WWOX: variants seen among roughly 807,000 people sequenced by gnomAD.
The protein encoded by WWOX is WW domain-containing oxidoreductase.
A neutral mutation model predicts 46.2 loss-of-function variants in WWOX; 69 were observed. The observed-to-expected ratio is 1.49, with a 90% CI of 1.23 to 1.82. The LOEUF is 1.82. Ranked by LOEUF, WWOX falls within the 40% of genes most tolerant of loss-of-function variation. WWOX has a pLI of 0.00. For synonymous variants in WWOX, 359 were observed against 202.6 expected, an observed-to-expected ratio of 1.77 and a Z score of -6.56; for missense variants, 919 against 542.6, an observed-to-expected ratio of 1.69 and a Z score of -6.89.
chr16:78,685,044 C>G (rs926927140), intron 8 of WWOX, among the ~76,000 whole-genome samples: 3 of 152,058 alleles, frequency 2.0e-5, no homozygotes, highest in Non-Finnish European at 4.4e-5. Context: ...ATTATTTTTT[C>G]TCTGTGCTGT....
At chr16:78,459,989 A>T (rs1215730760) in intron 8 of WWOX, among the ~76,000 whole-genome samples, 1 of 151,308 alleles carries the variant, frequency 6.6e-6, no homozygotes, top group South Asian at 2.1e-4. Context: ...TATTATTTAT[A>T]GAGTTGGGTT....
intron 5 of WWOX, among the ~76,000 whole-genome samples, chr16:78,312,997 G>C (rs764613245): frequency 2.0e-5 from 3 of 152,184 alleles, no homozygotes; most frequent in Non-Finnish European, 2.9e-5. Flanking sequence ...GAGTGATTGT[G>C]AATGTTTTCA....
chr16:78,280,440 G>A (rs1282572539), intron 5 of WWOX, among the ~76,000 whole-genome samples: 8 of 152,218 alleles, frequency 5.3e-5, no homozygotes, highest in African/African-American at 1.7e-4. Context: ...GACGTTACCT[G>A]TAGGATATGT....
chr16:79,178,378 G>A (rs900612299), intron 8 of WWOX, among the ~76,000 whole-genome samples: 1 of 152,070 alleles, frequency 6.6e-6, no homozygotes, highest in East Asian at 1.9e-4. Flanking sequence ...GTGCAGTGGT[G>A]CGGTCACAGC....
At chr16:78,611,127 CATTTA>C (rs2045891530) in intron 8 of WWOX, among the ~76,000 whole-genome samples, 1 of 152,118 alleles carries the variant, frequency 6.6e-6, no homozygotes, top group Admixed American at 6.5e-5. Context: ...AGTTGTTCAT[CATTTA>C]ATTAGAGATT....
At chr16:78,333,979 T>C (rs995659683) in intron 5 of WWOX, among the ~76,000 whole-genome samples, 11 of 152,182 alleles carry the variant, frequency 7.2e-5, no homozygotes, top group African/African-American at 2.2e-4. Context: ...TCATGTACTT[T>C]GCATATCAGC....
chr16:78,642,368 T>C (rs1215727814), intron 8 of WWOX, among the ~76,000 whole-genome samples: 3 of 152,212 alleles, frequency 2.0e-5, no homozygotes, highest in Non-Finnish European at 4.4e-5. Context: ...GTTCTGTCCC[T>C]TTATGCTGAC....
chr16:78,195,451 G>A (rs1407985125), intron 5 of WWOX, among the ~76,000 whole-genome samples: 6 of 152,000 alleles, frequency 3.9e-5, no homozygotes, highest in Non-Finnish European at 7.4e-5. Flanking sequence ...AGTACCGTTG[G>A]TCCTGACACC....
At chr16:78,890,399 C>CCATCATTCTTAATCCCT (rs2044564261) in intron 8 of WWOX, 1 of 142,408 alleles carries the variant, frequency 7.0e-6, no homozygotes, top group African/African-American at 3.1e-5. Context: ...TCTTAATCCT[C>CCATCATTCTTAATCCCT]ATGTTCTTAA....
In WWOX at chr16:79,212,121, A is replaced by T; in HGVS notation, c.*325A>T. The T allele has an allele frequency of 2.6e-6, 4 of 1,534,020 alleles. No homozygotes were observed. Among genetic ancestry groups the T allele is most frequent in the Non-Finnish European group, 3.5e-6 (4 of 1,145,710 alleles). Reference sequence around the variant, plus strand: ...CAGCAATTCTCTTTCTTTTACTGTTATAGAATAGCCTGAGGTCCCCTCGTC... The same window carrying T: ...CAGCAATTCTCTTTCTTTTACTGTTTTAGAATAGCCTGAGGTCCCCTCGTC... On this transcript the variant is annotated 3_prime_UTR_variant, in exon 9 of 9. Coordinates refer to ENST00000566780, the MANE Select transcript of WWOX (RefSeq NM_016373.4).
intron 8 of WWOX, among the ~76,000 whole-genome samples, chr16:78,643,127 A>T (rs912288081): frequency 6.6e-6 from 1 of 152,180 alleles, no homozygotes; most frequent in East Asian, 1.9e-4. Flanking sequence ...GAAAAGCTCT[A>T]TGCAGCTATC....
intron 6 of WWOX, among the ~76,000 whole-genome samples, chr16:78,415,230 CTT>C (rs567945307): frequency 2.1e-3 from 316 of 152,010 alleles, no homozygotes; most frequent in African/African-American, 7.4e-3. Flanking sequence ...AGGGTAACTT[CTT>C]GATGTTGCCA....
chr16:79,131,233 C>T (rs2049871863), intron 8 of WWOX, among the ~76,000 whole-genome samples: 1 of 152,098 alleles, frequency 6.6e-6, no homozygotes, highest in African/African-American at 2.4e-5. Context: ...TCCTCCAGGG[C>T]CATTTGTGAG....
At chr16:78,383,671 C>T (rs977869925) in intron 5 of WWOX, among the ~76,000 whole-genome samples, 2 of 152,218 alleles carry the variant, frequency 1.3e-5, no homozygotes, top group African/African-American at 4.8e-5. Context: ...CACATAAACA[C>T]ATATGCACAC....
chr16:78,823,214 T>A (rs1202132889), intron 8 of WWOX, among the ~76,000 whole-genome samples: 1 of 152,228 alleles, frequency 6.6e-6, no homozygotes, highest in Admixed American at 6.5e-5. Flanking sequence ...GGGTCAGGCC[T>A]TGGATGGTGC....
At chr16:78,845,718 C>T (rs545590933) in intron 8 of WWOX, among the ~76,000 whole-genome samples, 2 of 152,132 alleles carry the variant, frequency 1.3e-5, no homozygotes, top group African/African-American at 2.4e-5. Context: ...TCCAGACACT[C>T]ATTTTAAGTG....
intron 4 of WWOX, among the ~76,000 whole-genome samples, chr16:78,125,352 A>G (rs1480208753): frequency 6.6e-6 from 1 of 152,096 alleles, no homozygotes; most frequent in African/African-American, 2.4e-5. Context: ...CTTCCACTGT[A>G]CATGCCACCA....
chr16:78,325,590 A>C (rs1373850843), intron 5 of WWOX, among the ~76,000 whole-genome samples: 1 of 152,206 alleles, frequency 6.6e-6, no homozygotes, highest in Non-Finnish European at 1.5e-5. Context: ...AATGTTTTTC[A>C]AAAGGCTAAT....
intron 8 of WWOX, among the ~76,000 whole-genome samples, chr16:78,587,647 T>C (rs1271992003): frequency 1.3e-5 from 2 of 152,020 alleles, no homozygotes; most frequent in African/African-American, 2.4e-5. Context: ...TTTTGAGGAA[T>C]TGGGTGTGGG....
Sources: allele counts gnomAD v4.1 joint callset (sites outside exome capture counted in the v4.1 genomes callset), GRCh38; gene constraint gnomAD v4.1.1; transcripts MANE v1.5; gene names NCBI Gene and HGNC (gene_info 2026-07-23, HGNC 2026-07-21).